The following OBSL1 variants were observed in gnomAD, a reference collection of about 807,000 sequenced individuals.
OBSL1 encodes the protein obscurin-like protein 1.
In OBSL1, 160 loss-of-function variants were observed where a neutral mutation model predicts 172.0. The ratio of observed to expected loss-of-function variants is 0.93; its 90% confidence interval spans 0.82 to 1.06. The LOEUF (loss-of-function observed/expected upper bound fraction) is 1.06. OBSL1 is among the 50% of genes least tolerant of loss of function. The pLI is 0.00. For synonymous variants in OBSL1, 1,200 were observed against 1,196.3 expected (o/e 1.00, Z -0.06); for missense variants, 2,681 against 2,715.4 (o/e 0.99, Z 0.28).
chr2:219,564,631 G>A (rs1289257180), intron 6 of OBSL1, among the ~76,000 whole-genome samples: 2 of 152,254 alleles, frequency 1.3e-5, no homozygotes, highest in African/African-American at 4.8e-5. Flanking sequence ...GACAGTGTTA[G>A]TGTATCAGGG....
At position 219,551,854 on chromosome 2, in the gene OBSL1, G is replaced by A. The variant is rs1695634902; in HGVS notation, c.5414-56C>T. 3 of 1,102,510 alleles carry A rather than the reference G, an allele frequency of 2.7e-6. No individual in the cohort carries two copies. In the African/African-American group the frequency reaches 4.6e-5, roughly 17 times the overall value. 68.3% of individuals were successfully genotyped at this position (1,102,510 alleles called of 1,614,324 possible). On this transcript the variant is annotated intron_variant, in intron 19 of 20. Transcript: ENST00000404537. Reference sequence around the variant, plus strand: ...TAGGGACACGCATGGCCCCCAGGAGGAGAGATGCATCTTCCCTCCCTGAAG... The same window carrying A: ...TAGGGACACGCATGGCCCCCAGGAGAAGAGATGCATCTTCCCTCCCTGAAG...
At chr2:219,553,728 G>C in intron 15 of OBSL1, 42 bp from the exon 16 acceptor site, 1 of 1,444,542 alleles carries the variant, frequency 6.9e-7, no homozygotes, top group South Asian at 1.2e-5. Flanking sequence ...GGAGCAGGAT[G>C]GGGACCCATC....
chr2:219,548,223 T>G, downstream of OBSL1: 1 of 781,238 alleles, frequency 1.3e-6, no homozygotes, highest in Non-Finnish European at 2.0e-6. Context: ...TCTGGGAGGA[T>G]AGCACCCAGG....
rs755629202 is a variant in OBSL1, at chr2:219,556,229, C to G, written c.4400G>C (p.Cys1467Ser). The G allele has an allele frequency of 1.9e-6, 3 of 1,608,264 alleles. No homozygotes were observed. Among genetic ancestry groups the G allele is most frequent in the Non-Finnish European group, 2.6e-6 (3 of 1,176,194 alleles). ...CACTCGGCCTGTCTCCACTTCGAGA[C>G]ACACATCCTGGCCTTCCTCTGCCCG... Reference protein sequence around the residue: ...DVRAEEGQDVCLEVETGRVGA... With the variant: ...DVRAEEGQDVSLEVETGRVGA... The change falls in exon 14 of 21, where the codon TGT (cysteine) becomes TCT (serine). Residue 1467 changes from cysteine to serine, a missense_variant. Transcript: ENST00000404537.
At chr2:219,547,759 C>G, downstream of OBSL1, 1 of 1,594,846 alleles carries the variant, frequency 6.3e-7, no homozygotes, top group Non-Finnish European at 8.5e-7. Flanking sequence ...CCGCACCCTA[C>G]TACCAGCCAG....
chr2:219,569,241 C>T (rs915945359), intron 1 of OBSL1: 1 of 152,184 alleles, frequency 6.6e-6, no homozygotes, highest in African/African-American at 2.4e-5. Context: ...CAGATCAGCA[C>T]CAACCTGATG....
chr2:219,562,143 C>A, intron 8 of OBSL1: 1 of 661,934 alleles, frequency 1.5e-6, no homozygotes, highest in Non-Finnish European at 2.8e-6. Flanking sequence ...GCATTACTCA[C>A]CTGCTACTCC....
chr2:219,552,957 T>G lies in OBSL1; in HGVS notation c.5057A>C (p.Gln1686Pro). ...LQALGTRRLL[Q>P]LRRCGPSDAG... ...GTCCGAGGGGCCGCAGCGTCGCAGC[T>G]GGAGAAGGCGGCGCGTGCCGAGGGC... The change falls in exon 17 of 21, where the codon CAG (glutamine) becomes CCG (proline). Residue 1686 changes from glutamine (Q) to proline (P), a missense_variant. Transcript: ENST00000404537. 1.3e-6 allele frequency: 2 copies of G among 1,533,356 alleles called. No homozygotes were observed. The highest frequency in any genetic ancestry group is 1.7e-6 in the Non-Finnish European group (2 of 1,143,708). 95.0% of individuals were successfully genotyped at this position (1,533,356 alleles called of 1,614,324 possible). A position where few individuals can be genotyped will look rare whatever the true frequency, so the allele number is the denominator to read the frequency against.
Position 219,563,381 on chromosome 2 carries a change from C to A in OBSL1, c.2654G>T (p.Cys885Phe), listed in dbSNP as rs1318341422. The A allele has an allele frequency of 1.9e-6, 3 of 1,593,826 alleles. No individual in the cohort carries two copies. In the African/African-American group the frequency reaches 4.0e-5, roughly 21 times the overall value. ...TGTGATGGTGACAGTGAAGTAGGCACACTCATCTCCAGCGACGCACTGAAA... is the reference window on the plus strand; with the variant it reads ...TGTGATGGTGACAGTGAAGTAGGCAAACTCATCTCCAGCGACGCACTGAAA... ...GEFQCVAGDE[C>F]AYFTVTITDV... is the part of the protein sequence containing the mutation. Residue 885 changes from cysteine (C) to phenylalanine (F), a missense_variant, in exon 7 of 21, where the codon TGT becomes TTT. Transcript: ENST00000404537.
downstream of OBSL1, chr2:219,549,499 C>A: frequency 8.0e-7 from 1 of 1,254,826 alleles, no homozygotes; most frequent in Non-Finnish European, 1.1e-6. Flanking sequence ...GGAGCCCATG[C>A]ACCAGGGGCT....
chr2:219,547,763 C>G (rs1003020677), downstream of OBSL1: 2 of 1,594,282 alleles, frequency 1.3e-6, no homozygotes, highest in Non-Finnish European at 1.7e-6. Context: ...ACCCTACTAC[C>G]AGCCAGGCTC....
intron 12 of OBSL1, 135 bp from the exon 13 acceptor site, chr2:219,556,858 C>T: frequency 2.1e-6 from 2 of 950,126 alleles, no homozygotes; most frequent in Non-Finnish European, 3.1e-6. Flanking sequence ...GTATCGACCA[C>T]ACCGATGGCC....
chr2:219,558,039 C>G lies in OBSL1; in HGVS notation c.3574G>C (p.Val1192Leu). The change falls in exon 11 of 21, where the codon GTG becomes CTG. Residue 1192 changes from valine (V) to leucine (L), a missense_variant. Val to Leu is a conservative substitution (Grantham distance 32). This residue lies in a region of OBSL1 where 1,765 missense variants were observed against 1,748.3 expected (regional missense o/e 1.01). Coordinates refer to ENST00000404537, the MANE Select transcript of OBSL1 (RefSeq NM_015311.3). ...GCCCGGGACAGTTCACAGCTCAGCA[C>G]CACTGGCTCCCCAGGGGCCACACAG... ...PLCVAPGEPVVLSCELSRAGA... is the reference protein window; with the variant it reads ...PLCVAPGEPVLLSCELSRAGA... 6.2e-7 allele frequency: 1 copy of G among 1,613,540 alleles called. No individual in the cohort carries two copies. The highest frequency in any genetic ancestry group is 1.3e-5 in the African/African-American group (1 of 75,066).
At chr2:219,555,925 G>A in intron 14 of OBSL1, 95 bp downstream of exon 14, 1 of 1,527,570 alleles carries the variant, frequency 6.5e-7, no homozygotes, top group South Asian at 1.3e-5. Context: ...TCAGCGATGA[G>A]GGGCACTTTG....
In OBSL1 at chr2:219,570,706, TG is replaced by T; in HGVS notation, c.526del (p.His176ThrfsTer82). ...MALDEVWDSS[H>X]FALQPGRAED... is the part of the protein sequence containing the mutation. ...GGCGCGGCCCGGCTGGAGCGCGAAGTGGCTGCTGTCCCACACTTCGTCCAGG... is the reference window on the plus strand; with the variant it reads ...GGCGCGGCCCGGCTGGAGCGCGAAGTGCTGCTGTCCCACACTTCGTCCAGG... On this transcript the variant is annotated frameshift_variant, in exon 1 of 21. Coordinates refer to ENST00000404537, the MANE Select transcript of OBSL1 (RefSeq NM_015311.3). LOFTEE classifies it high-confidence loss of function. 1 of 1,509,752 alleles carries T rather than the reference TG, an allele frequency of 6.6e-7. No homozygotes were observed. Among genetic ancestry groups the T allele is most frequent in the Non-Finnish European group, 8.8e-7 (1 of 1,135,696 alleles). The allele number at this position is 1,509,752 out of a possible 1,614,324, so 93.5% of individuals were successfully genotyped here.
chr2:219,554,192 C>CA, intron 15 of OBSL1: 1 of 524,474 alleles, frequency 1.9e-6, no homozygotes, highest in Non-Finnish European at 3.4e-6. Flanking sequence ...GGTGTGCAGG[C>CA]GGGCAGACAG....
chr2:219,571,188 C>A lies in OBSL1; in HGVS notation c.45G>T (p.Leu15=). 1 of 1,474,524 alleles carries A rather than the reference C, an allele frequency of 6.8e-7. No homozygotes were observed. Among genetic ancestry groups the A allele is most frequent in the East Asian group, 2.8e-5 (1 of 35,614 alleles). The allele number at this position is 1,474,524 out of a possible 1,614,324, so 91.3% of individuals were successfully genotyped here. ...SGDQGSPPCF[L]RFPRPVRVVS... ...CCACCCGCACAGGCCGCGGGAAGCG[C>A]AGGAAGCACGGGGGGCTCCCCTGAT... The change falls in exon 1 of 21, where the codon CTG becomes CTT. Residue 15 remains leucine, a synonymous_variant. Coordinates refer to ENST00000404537, the MANE Select transcript of OBSL1 (RefSeq NM_015311.3).
At chr2:219,552,807 G>C (rs1363129100) in intron 17 of OBSL1, 61 bp downstream of exon 17, 12 of 1,532,556 alleles carry the variant, frequency 7.8e-6, no homozygotes, top group Non-Finnish European at 1.1e-5. Context: ...GTCCGGGGAA[G>C]ACAGCTCCGC....
chr2:219,557,524 C>A lies in OBSL1; in HGVS notation c.3885G>T (p.Gly1295=), dbSNP rs1465933090. The part of the protein sequence containing the change: ...GDLELVVHLS[G]PGGPVRWYKD... ...TGTACCAGCGTACAGGGCCCCCTGG[C>A]CCGGAGAGGTGCACCACCAGCTCTA... is the stretch of plus-strand genomic sequence containing the variant. Residue 1295 remains glycine (G), a synonymous_variant, in exon 12 of 21, where the codon GGG becomes GGT. Coordinates refer to ENST00000404537, the MANE Select transcript of OBSL1 (RefSeq NM_015311.3). 1 of 1,552,646 alleles carries A rather than the reference C, an allele frequency of 6.4e-7. No homozygotes were observed. Among genetic ancestry groups the A allele is most frequent in the Non-Finnish European group, 8.7e-7 (1 of 1,148,640 alleles).
Sources: gnomAD v4.1 joint callset for allele counts (sites outside exome capture counted in the v4.1 genomes callset) on GRCh38, gnomAD v4.1.1 for gene constraint, gnomAD v4.1.1 regional missense constraint, MANE v1.5 for transcripts, NCBI Gene and HGNC (gene_info 2026-07-23, HGNC 2026-07-21) for gene names.